SEZ6L: variants seen among roughly 807,000 people sequenced by gnomAD.
SEZ6L encodes seizure 6-like protein.
Under a neutral mutation model 106.2 loss-of-function variants are expected in SEZ6L, and 37 were observed. That is an observed-to-expected ratio of 0.35 (90% CI 0.27 to 0.46). The LOEUF (loss-of-function observed/expected upper bound fraction) is 0.46. SEZ6L is among the 20% of genes least tolerant of loss of function. The pLI, the probability that SEZ6L is intolerant of heterozygous loss-of-function variation, is 1.00. For synonymous variants in SEZ6L, 541 were observed against 570.4 expected (o/e 0.95, Z 0.73); for missense variants, 1,172 against 1,332.8 (o/e 0.88, Z 1.88).
At position 26,292,416 on chromosome 22, in the gene SEZ6L, C is replaced by T. The variant is rs201233214; in HGVS notation, c.105C>T (p.Pro35=). 11 of 1,612,066 alleles carry T rather than the reference C, an allele frequency of 6.8e-6. No homozygotes were observed. The East Asian group carries it at 1.3e-4, about 20-fold the overall frequency. The change falls in exon 2 of 17, where the codon CCC becomes CCT. Residue 35 remains proline (P), a synonymous_variant. Coordinates refer to ENST00000248933, the MANE Select transcript of SEZ6L (RefSeq NM_021115.5). ...TTCTCCTCTTCCAAGATGCTCTTCC[C>T]GAGGGAGATGCTAGCCCTTTGGGTC... The part of the protein sequence containing the change: ...PAAALERDAL[P]EGDASPLGPY...
chr22:26,375,712 G>A lies in SEZ6L; in HGVS notation c.2942+23G>A, dbSNP rs376861939. The A allele has an allele frequency of 2.9e-4, 450 of 1,577,422 alleles. 3 individuals are homozygous for A. The African/African-American group carries it at 3.2e-3, about 11-fold the overall frequency. ...AAGGTAGGGAGCTGATGGGGGAGAT[G>A]ACTGCCAAGCACCCAGCCACCAGTA... On this transcript the variant is annotated intron_variant, in intron 15 of 16. Coordinates refer to ENST00000248933, the MANE Select transcript of SEZ6L (RefSeq NM_021115.5).
At chr22:26,213,274 G>C (rs1452591835) in intron 1 of SEZ6L, among the ~76,000 whole-genome samples, 1 of 152,124 alleles carries the variant, frequency 6.6e-6, no homozygotes, top group African/African-American at 2.4e-5. Flanking sequence ...GAGCATTAGA[G>C]ACCTAATACA....
chr22:26,195,845 G>A (rs757664464), intron 1 of SEZ6L, among the ~76,000 whole-genome samples: 2 of 152,014 alleles, frequency 1.3e-5, no homozygotes, highest in Non-Finnish European at 1.5e-5. Flanking sequence ...AATAAATGCT[G>A]TGAAAGCATC....
In SEZ6L at chr22:26,311,934, C is replaced by T. The variant is rs762844253; in HGVS notation, c.1848C>T (p.Tyr616=). 4 of 1,614,010 alleles carry T rather than the reference C, an allele frequency of 2.5e-6. No individual in the cohort carries two copies. The highest frequency in any genetic ancestry group is 1.7e-5 in the Admixed American group (1 of 60,010). Residue 616 remains tyrosine, a synonymous_variant, in exon 8 of 17, where the codon TAC becomes TAT. Transcript: ENST00000248933. ...AATGCATCAATGTGCGGGACCCATA[C>T]TGGAATGACACAGAGCCCCTGTGCA... ...IIECINVRDP[Y]WNDTEPLCRA... is the part of the protein sequence containing the mutation.
intron 1 of SEZ6L, among the ~76,000 whole-genome samples, chr22:26,188,308 A>C (rs1315318007): frequency 6.6e-6 from 1 of 152,134 alleles, no homozygotes; most frequent in Non-Finnish European, 1.5e-5. Flanking sequence ...ATCTCACATG[A>C]TTCTGTGGTT....
intron 6 of SEZ6L, among the ~76,000 whole-genome samples, chr22:26,308,358 T>C (rs759019130): frequency 6.6e-6 from 1 of 151,860 alleles, no homozygotes; most frequent in African/African-American, 2.4e-5. Context: ...GAAGCTCTCA[T>C]GAGAACAGGA....
At chr22:26,362,581 G>C (rs140335744) in intron 12 of SEZ6L, among the ~76,000 whole-genome samples, 1 of 152,184 alleles carries the variant, frequency 6.6e-6, no homozygotes, top group Non-Finnish European at 1.5e-5. Flanking sequence ...ATGAGCTCTA[G>C]AGGACAGGAA....
intron 1 of SEZ6L, among the ~76,000 whole-genome samples, chr22:26,170,727 C>G (rs1938532608): frequency 6.6e-6 from 1 of 152,130 alleles, no homozygotes; most frequent in Non-Finnish European, 1.5e-5. Flanking sequence ...CTAGGAGACC[C>G]GAAAATCAAT....
chr22:26,364,478 A>T (rs906050010), intron 12 of SEZ6L, among the ~76,000 whole-genome samples: 8 of 150,588 alleles, frequency 5.3e-5, no homozygotes, highest in African/African-American at 9.8e-5. Context: ...CTATAGTCCC[A>T]GCTACTCAGA....
intron 1 of SEZ6L, among the ~76,000 whole-genome samples, chr22:26,266,578 TAAA>T (rs2080194409): frequency 1.8e-4 from 2 of 11,070 alleles, no homozygotes; most frequent in African/African-American, 3.1e-3. Flanking sequence ...GTCTCAAAAA[TAAA>T]TAAATAAATA....
chr22:26,343,416 A>T (rs76252874), intron 10 of SEZ6L, among the ~76,000 whole-genome samples: 2,046 of 151,918 alleles, frequency 0.013, 43 homozygotes, highest in East Asian at 0.063. Context: ...CAATATCTTG[A>T]AGAAGAAGTG....
At chr22:26,261,636 C>T (rs1468602565) in intron 1 of SEZ6L, among the ~76,000 whole-genome samples, 2 of 152,134 alleles carry the variant, frequency 1.3e-5, no homozygotes. Flanking sequence ...GGAAGACAGA[C>T]TCTGAACAAG....
intron 2 of SEZ6L, among the ~76,000 whole-genome samples, chr22:26,293,454 T>C (rs1200739774): frequency 6.6e-6 from 1 of 152,198 alleles, no homozygotes; most frequent in East Asian, 1.9e-4. Context: ...CCTCAGCCTC[T>C]TGAGTAGCTG....
rs2082797633 is a variant in SEZ6L, at chr22:26,340,588, G to C, written c.2168G>C (p.Gly723Ala). 1 of 1,614,126 alleles carries C rather than the reference G, an allele frequency of 6.2e-7. No individual in the cohort carries two copies. The highest frequency in any genetic ancestry group is 1.1e-5 in the South Asian group (1 of 91,068). Residue 723 changes from glycine to alanine, a missense_variant, in exon 10 of 17, where the codon GGC (glycine) becomes GCC (alanine). Around this residue, in one of 4 missense-constraint regions of SEZ6L, gnomAD observed 534 missense variants for 691.0 expected, o/e 0.77. Coordinates refer to ENST00000248933, the MANE Select transcript of SEZ6L (RefSeq NM_021115.5). ...ATCCAGTTCCATTCGGACCCTGCTG[G>C]CCTCATCTTTGGAAAGGGCCAGGGA... is the stretch of plus-strand genomic sequence containing the variant. ...LTIQFHSDPAGLIFGKGQGFI... is the reference protein window; with the variant it reads ...LTIQFHSDPAALIFGKGQGFI...
At chr22:26,361,518 AAAATAT>A (rs1249441653) in intron 12 of SEZ6L, among the ~76,000 whole-genome samples, 11 of 133,954 alleles carry the variant, frequency 8.2e-5, no homozygotes, top group African/African-American at 2.6e-4. Flanking sequence ...AAAAAAAAAA[AAAATAT>A]ATATATATAT....
chr22:26,296,933 G>C lies in SEZ6L; in HGVS notation c.1015G>C (p.Gly339Arg), dbSNP rs752037782. The C allele has an allele frequency of 4.3e-6, 7 of 1,612,702 alleles. No individual in the cohort carries two copies. Among genetic ancestry groups the C allele is most frequent in the Admixed American group, 1.7e-5 (1 of 59,850 alleles). The change falls in exon 4 of 17, where the codon GGG (glycine) becomes CGG (arginine). Residue 339 changes from glycine (G) to arginine (R), a missense_variant. Physicochemically the swap from Gly to Arg is moderately radical, Grantham distance 125. Transcript: ENST00000248933. The stretch of plus-strand genomic sequence containing the variant: ...CGATGGGGAACTGCTCTCCATCCGC[G>C]GGGTGGACGGCCCTACCCTGACCGT... ...LSDGELLSIR[G>R]VDGPTLTVLA...
chr22:26,215,755 A>G (rs2078281018), intron 1 of SEZ6L, among the ~76,000 whole-genome samples: 2 of 152,216 alleles, frequency 1.3e-5, no homozygotes, highest in African/African-American at 4.8e-5. Context: ...CAAGTGCTCA[A>G]TCCCAGTGAC....
chr22:26,347,199 A>AATGATGATG (rs3071639), intron 10 of SEZ6L, among the ~76,000 whole-genome samples: 24,542 of 149,726 alleles, frequency 0.16, 2,199 homozygotes, highest in South Asian at 0.3. Context: ...CTGTAAAAAT[A>AATGATGATG]ATGATGATGA....
intron 1 of SEZ6L, among the ~76,000 whole-genome samples, chr22:26,269,774 T>C (rs2080304274): frequency 6.6e-6 from 1 of 152,208 alleles, no homozygotes; most frequent in Admixed American, 6.5e-5. Flanking sequence ...GGCCTGGCAT[T>C]AATCTCCCTT....
Sources: allele counts gnomAD v4.1 joint callset (sites outside exome capture counted in the v4.1 genomes callset), GRCh38; gene constraint gnomAD v4.1.1; regional missense constraint gnomAD v4.1.1; transcripts MANE v1.5; gene names NCBI Gene and HGNC (gene_info 2026-07-23, HGNC 2026-07-21).